Variants in NKAIN2 observed in about 807,000 individuals in gnomAD.
NKAIN2 encodes the protein sodium/potassium transporting ATPase interacting 2.
A neutral mutation model predicts 32.6 loss-of-function variants in NKAIN2; 14 were observed. That is an observed-to-expected ratio of 0.43 (90% confidence interval 0.28 to 0.67). The LOEUF is 0.67. Ranked by LOEUF, NKAIN2 falls within the 30% of genes least tolerant of loss-of-function variation. NKAIN2 has a pLI of 0.17. For missense variants in NKAIN2, 198 were observed against 258.3 expected, an observed-to-expected ratio of 0.77 and a Z score of 1.60; for synonymous variants, 80 against 87.2, an observed-to-expected ratio of 0.92 and a Z score of 0.46.
intron 1 of NKAIN2, among the ~76,000 whole-genome samples, chr6:123,838,800 A>G (rs1346655424): frequency 6.6e-6 from 1 of 152,148 alleles, no homozygotes; most frequent in African/African-American, 2.4e-5. Flanking sequence ...ATTTGAAATC[A>G]AGTGTCTTTC....
chr6:123,850,859 C>A (rs937233161), intron 1 of NKAIN2, among the ~76,000 whole-genome samples: 7 of 152,088 alleles, frequency 4.6e-5, no homozygotes, highest in Non-Finnish European at 1.0e-4. Flanking sequence ...GTATCTTAGA[C>A]CAACATCTCC....
chr6:124,004,660 A>G (rs1292332779), intron 1 of NKAIN2, among the ~76,000 whole-genome samples: 1 of 151,974 alleles, frequency 6.6e-6, no homozygotes, highest in Non-Finnish European at 1.5e-5. Flanking sequence ...GAATTGAACA[A>G]TGAGAACACT....
At chr6:124,248,382 CTGTGTTTGTTTTA>C (rs1463675848) in intron 1 of NKAIN2, among the ~76,000 whole-genome samples, 2 of 151,870 alleles carry the variant, frequency 1.3e-5, no homozygotes, top group African/African-American at 4.8e-5. Flanking sequence ...ATTAGTATCC[CTGTGTTTGTTTTA>C]TGTCTTCCTT....
In NKAIN2 at chr6:124,027,559, A is replaced by T. The variant is rs1385068668; in HGVS notation, c.54+223305A>T. Among the ~76,000 whole-genome samples, 3 of 152,040 alleles carry T rather than the reference A, an allele frequency of 2.0e-5. No homozygotes were observed. In the East Asian group the frequency reaches 5.8e-4, roughly 29 times the overall value. On this transcript the variant is annotated intron_variant, in intron 1 of 6. Coordinates refer to ENST00000368417, the MANE Select transcript of NKAIN2 (RefSeq NM_001040214.3). ...ATCTAGTGACCATGTCTTCTCAGTA[A>T]TCCACAGGAAACGCGTATGTATCAT... is the stretch of plus-strand genomic sequence containing the variant.
At chr6:124,612,232 GAAAACTGCTAGGGGGAAAAAAAAATA>G (rs1782718068) in intron 3 of NKAIN2, among the ~76,000 whole-genome samples, 1 of 150,642 alleles carries the variant, frequency 6.6e-6, no homozygotes, top group African/African-American at 2.4e-5. Context: ...GTTTTTATGT[GAAAACTGCTAGGGGGAAAAAAAAATA>G]AAAACTGCTA....
chr6:124,415,262 C>T (rs1004024570), intron 3 of NKAIN2, among the ~76,000 whole-genome samples: 2 of 152,206 alleles, frequency 1.3e-5, no homozygotes, highest in Non-Finnish European at 2.9e-5. Context: ...CAACTGACTA[C>T]AAATTGGGGA....
At chr6:124,521,771 G>A (rs1034077791) in intron 3 of NKAIN2, among the ~76,000 whole-genome samples, 1 of 152,042 alleles carries the variant, frequency 6.6e-6, no homozygotes, top group African/African-American at 2.4e-5. Context: ...CCCTTGATGT[G>A]TTCAGTTGTA....
At position 123,976,343 on chromosome 6, in the gene NKAIN2, G is replaced by A. The variant is rs1483094518; in HGVS notation, c.54+172089G>A. Among the ~76,000 whole-genome samples the A allele has an allele frequency of 8.6e-3, 70 of 8,102 alleles. 5 individuals are homozygous for A. Among genetic ancestry groups the A allele is most frequent in the Non-Finnish European group, 0.012 (36 of 3,006 alleles). The allele number at this position is 8,102 out of a possible 152,430, so 5.3% of individuals were successfully genotyped here. On this transcript the variant is annotated intron_variant, in intron 1 of 6. Coordinates refer to ENST00000368417, the MANE Select transcript of NKAIN2 (RefSeq NM_001040214.3). ...TATATATGTTCCCATATATATATAT[G>A]TTCCCATATATATATATATATATAT...
intron 2 of NKAIN2, among the ~76,000 whole-genome samples, chr6:124,332,813 T>C (rs1349282025): frequency 6.6e-6 from 1 of 152,218 alleles, no homozygotes; most frequent in African/African-American, 2.4e-5. Context: ...AGCTAAGACT[T>C]GTTATATGAG....
At chr6:124,646,932 C>G (rs1784191941) in intron 3 of NKAIN2, among the ~76,000 whole-genome samples, 1 of 151,708 alleles carries the variant, frequency 6.6e-6, no homozygotes, top group South Asian at 2.1e-4. Flanking sequence ...GTCTGGGTGA[C>G]AGAGGAAGAC....
chr6:124,589,058 G>T (rs1269033786), intron 3 of NKAIN2, among the ~76,000 whole-genome samples: 1 of 151,958 alleles, frequency 6.6e-6, no homozygotes, highest in Non-Finnish European at 1.5e-5. Context: ...AAAGCAAAAG[G>T]CAAAAGATTA....
chr6:124,283,282 T>C (rs764441443), intron 2 of NKAIN2, 140 bp downstream of exon 2: 11 of 587,382 alleles, frequency 1.9e-5, no homozygotes, highest in Non-Finnish European at 3.3e-5. Flanking sequence ...TTTATTTTCA[T>C]AGTTTCAGAT....
At chr6:124,266,289 T>C (rs916230311) in intron 1 of NKAIN2, among the ~76,000 whole-genome samples, 1 of 152,130 alleles carries the variant, frequency 6.6e-6, no homozygotes, top group Admixed American at 6.6e-5. Context: ...GCTTCTCACA[T>C]TATTTAACCC....
chr6:124,584,846 T>C (rs897915921), intron 3 of NKAIN2, among the ~76,000 whole-genome samples: 1 of 151,944 alleles, frequency 6.6e-6, no homozygotes, highest in African/African-American at 2.4e-5. Context: ...ACCCTCATAC[T>C]CTATTGTTGG....
chr6:124,106,609 A>G (rs751501595), intron 1 of NKAIN2, among the ~76,000 whole-genome samples: 9 of 152,194 alleles, frequency 5.9e-5, no homozygotes, highest in Non-Finnish European at 8.8e-5. Flanking sequence ...ATCTAAAATA[A>G]GTGTTCATTA....
At chr6:124,120,310 A>G (rs149059926) in intron 1 of NKAIN2, among the ~76,000 whole-genome samples, 7 of 152,328 alleles carry the variant, frequency 4.6e-5, no homozygotes, top group African/African-American at 9.6e-5. Context: ...TAATTTTAAA[A>G]TAAACATCCC....
intron 1 of NKAIN2, among the ~76,000 whole-genome samples, chr6:124,201,510 A>T: frequency 6.6e-6 from 1 of 151,980 alleles, no homozygotes; most frequent in East Asian, 1.9e-4. Context: ...TTATGTTTGG[A>T]AATGGATTGT....
At chr6:124,291,473 T>C (rs771650258) in intron 2 of NKAIN2, among the ~76,000 whole-genome samples, 24 of 152,104 alleles carry the variant, frequency 1.6e-4, no homozygotes, top group Non-Finnish European at 2.8e-4. Flanking sequence ...TCCTTCATCC[T>C]CTGTCTCTAG....
At chr6:124,502,712 T>A (rs1408436972) in intron 3 of NKAIN2, among the ~76,000 whole-genome samples, 3 of 152,208 alleles carry the variant, frequency 2.0e-5, no homozygotes, top group Non-Finnish European at 4.4e-5. Context: ...GAAGTCTTTT[T>A]CTATTTCTTT....
Sources: allele counts gnomAD v4.1 joint callset (sites outside exome capture counted in the v4.1 genomes callset), GRCh38; gene constraint gnomAD v4.1.1; transcripts MANE v1.5; gene names NCBI Gene and HGNC (gene_info 2026-07-23, HGNC 2026-07-21).